Variants in CADM2 observed in about 807,000 individuals in gnomAD.
The protein encoded by CADM2 is immunoglobulin superfamily member 4D.
A neutral mutation model predicts 49.8 loss-of-function variants in CADM2; 12 were observed. That is an observed-to-expected ratio of 0.24 (90% CI 0.15 to 0.39). The LOEUF (loss-of-function observed/expected upper bound fraction) is 0.39. Among genes scored for constraint, CADM2 ranks in the 10% least tolerant of loss-of-function variants. The pLI is 1.00. For synonymous variants in CADM2, 214 were observed against 175.4 expected, an observed-to-expected ratio of 1.22 and a Z score of -1.74; for missense variants, 378 against 492.3, an observed-to-expected ratio of 0.77 and a Z score of 2.20.
In CADM2 at chr3:85,549,527, A is replaced by C. The variant is rs181816231; in HGVS notation, c.62-176995A>C. The stretch of plus-strand genomic sequence containing the variant: ...AGTGAATGATGAGTAGATGAACATA[A>C]AGGAATAAGAACAGATAATTGGTGA... On this transcript the variant is annotated intron_variant, in intron 1 of 9. Coordinates refer to ENST00000383699, the MANE Select transcript of CADM2 (RefSeq NM_001167675.2). 1.7e-3 allele frequency among the ~76,000 whole-genome samples: 252 copies of C among 152,294 alleles called. 2 individuals carry two copies. Among genetic ancestry groups the C allele is most frequent in the African/African-American group, 5.6e-3 (231 of 41,566 alleles).
chr3:85,415,259 G>T (rs1245748331), intron 1 of CADM2, among the ~76,000 whole-genome samples: 1 of 151,900 alleles, frequency 6.6e-6, no homozygotes, highest in African/African-American at 2.4e-5. Flanking sequence ...AAATTTCGTG[G>T]ACTTAAGAAT....
At chr3:85,420,193 A>G (rs977647688) in intron 1 of CADM2, among the ~76,000 whole-genome samples, 1 of 152,284 alleles carries the variant, frequency 6.6e-6, no homozygotes, top group East Asian at 1.9e-4. Flanking sequence ...GCCATTCTAC[A>G]TGTTTACACT....
intron 2 of CADM2, among the ~76,000 whole-genome samples, chr3:85,758,070 A>G (rs146467574): frequency 6.8e-4 from 104 of 152,216 alleles, no homozygotes; most frequent in Admixed American, 3.9e-3. Context: ...TCACTAAGAG[A>G]CAAAGGGAGG....
chr3:85,416,946 C>T (rs1032942451), intron 1 of CADM2, among the ~76,000 whole-genome samples: 1 of 152,056 alleles, frequency 6.6e-6, no homozygotes, highest in African/African-American at 2.4e-5. Flanking sequence ...TTATTTTTGA[C>T]TATCTCAGCT....
At chr3:85,773,803 G>T (rs866726285) in intron 2 of CADM2, among the ~76,000 whole-genome samples, 3 of 151,964 alleles carry the variant, frequency 2.0e-5, no homozygotes, top group South Asian at 4.1e-4. Flanking sequence ...TAAAAATGAT[G>T]CAGTTTTCAT....
intron 1 of CADM2, among the ~76,000 whole-genome samples, chr3:85,095,394 T>G (rs114152603): frequency 0.013 from 1,917 of 152,274 alleles, 32 homozygotes; most frequent in African/African-American, 0.043. Flanking sequence ...ATGGGTCATA[T>G]TATTTGTGCA....
chr3:85,319,972 T>C (rs2044559699), intron 1 of CADM2, among the ~76,000 whole-genome samples: 1 of 152,172 alleles, frequency 6.6e-6, no homozygotes, highest in African/African-American at 2.4e-5. Context: ...CTAAAGTAGG[T>C]ATCATTAAAA....
chr3:85,675,023 A>G (rs2065852328), intron 1 of CADM2, among the ~76,000 whole-genome samples: 1 of 152,180 alleles, frequency 6.6e-6, no homozygotes, highest in Admixed American at 6.5e-5. Flanking sequence ...TTATTTGTGC[A>G]TTATAAAGTA....
At chr3:85,754,767 A>G (rs1295149228) in intron 2 of CADM2, among the ~76,000 whole-genome samples, 1 of 152,176 alleles carries the variant, frequency 6.6e-6, no homozygotes, top group Admixed American at 6.5e-5. Context: ...AAACATTAAC[A>G]TTGTCATGAC....
At chr3:85,563,814 CAT>C (rs1299247947) in intron 1 of CADM2, among the ~76,000 whole-genome samples, 7 of 152,232 alleles carry the variant, frequency 4.6e-5, no homozygotes, top group South Asian at 2.1e-4. Flanking sequence ...AAAGGACTAT[CAT>C]GTGTGTTGAT....
At chr3:85,420,634 A>C (rs1480375126) in intron 1 of CADM2, among the ~76,000 whole-genome samples, 1 of 152,214 alleles carries the variant, frequency 6.6e-6, no homozygotes, top group East Asian at 1.9e-4. Flanking sequence ...ACCAAGACAA[A>C]GTATTAAAAA....
intron 3 of CADM2, among the ~76,000 whole-genome samples, chr3:85,857,854 A>C (rs186358808): frequency 1.7e-3 from 263 of 152,314 alleles, no homozygotes; most frequent in Non-Finnish European, 1.9e-3. Flanking sequence ...AAAAAGAAAA[A>C]CAGAATAAAC....
chr3:85,563,459 TA>T (rs1345077747), intron 1 of CADM2, among the ~76,000 whole-genome samples: 3 of 151,670 alleles, frequency 2.0e-5, no homozygotes, highest in African/African-American at 7.3e-5. Flanking sequence ...TTTTCAATAT[TA>T]AAAATATGTG....
intron 7 of CADM2, among the ~76,000 whole-genome samples, chr3:85,957,447 C>A (rs1724202806): frequency 6.6e-6 from 1 of 151,142 alleles, no homozygotes; most frequent in South Asian, 2.1e-4. Context: ...TTTTATCTTC[C>A]TGAAGACAGA....
At chr3:85,638,505 A>G (rs1471428131) in intron 1 of CADM2, among the ~76,000 whole-genome samples, 1 of 152,058 alleles carries the variant, frequency 6.6e-6, no homozygotes, top group African/African-American at 2.4e-5. Context: ...CAGTTTTTAT[A>G]TGTTTCAACA....
chr3:85,510,994 A>G (rs1304609452), intron 1 of CADM2, among the ~76,000 whole-genome samples: 3 of 152,120 alleles, frequency 2.0e-5, no homozygotes, highest in Admixed American at 2.0e-4. Flanking sequence ...AAGTGCATAG[A>G]TGTAATTATA....
chr3:85,515,338 T>C (rs889098607), intron 1 of CADM2, among the ~76,000 whole-genome samples: 12 of 151,926 alleles, frequency 7.9e-5, no homozygotes, highest in Non-Finnish European at 1.6e-4. Context: ...AACACCATCT[T>C]TTTTTGATGT....
chr3:85,983,794 C>CCTAT (rs58036401), intron 8 of CADM2, among the ~76,000 whole-genome samples: 7,112 of 150,098 alleles, frequency 0.047, 363 homozygotes, highest in African/African-American at 0.13. Flanking sequence ...TGTCTATCTA[C>CCTAT]CTATCTATCT....
At chr3:85,947,076 C>T (rs1722811417) in intron 7 of CADM2, among the ~76,000 whole-genome samples, 1 of 151,978 alleles carries the variant, frequency 6.6e-6, no homozygotes, top group African/African-American at 2.4e-5. Context: ...CCAGAATCTA[C>T]AATGAACTCA....
Sources: gnomAD v4.1 joint callset for allele counts (sites outside exome capture counted in the v4.1 genomes callset) on GRCh38, gnomAD v4.1.1 for gene constraint, MANE v1.5 for transcripts, NCBI Gene and HGNC (gene_info 2026-07-23, HGNC 2026-07-21) for gene names.